The following PRDM2 variants were observed in gnomAD, a reference collection of about 807,000 sequenced individuals.
PRDM2 encodes the protein PR/SET domain 2, also known as PR domain zinc finger protein 2.
PRDM2 carries 30 observed loss-of-function variants against 130.0 expected under a neutral mutation model. That is an observed-to-expected ratio of 0.23 (90% CI 0.17 to 0.31). The LOEUF (loss-of-function observed/expected upper bound fraction) is 0.31, where lower values mean the gene tolerates loss of function less well. PRDM2 is among the 10% of genes least tolerant of loss of function. PRDM2 has a pLI of 1.00. For synonymous variants in PRDM2, 871 were observed against 782.4 expected, an observed-to-expected ratio of 1.11 and a Z score of -1.89; for missense variants, 2,011 against 2,108.4, an observed-to-expected ratio of 0.95 and a Z score of 0.90.
intron 8 of PRDM2, among the ~76,000 whole-genome samples, chr1:13,797,572 T>C (rs1387725246): frequency 6.6e-6 from 1 of 152,222 alleles, no homozygotes; most frequent in Middle Eastern, 3.2e-3. Flanking sequence ...CCGAGTTGTG[T>C]GTGGCACATG....
At chr1:13,774,187 C>T (rs1005159885) in intron 7 of PRDM2, among the ~76,000 whole-genome samples, 5 of 152,168 alleles carry the variant, frequency 3.3e-5, no homozygotes, top group African/African-American at 1.2e-4. Flanking sequence ...AGAAAGACAG[C>T]TTGCCCTCTG....
chr1:13,759,090 GGA>G (rs1156923102), intron 6 of PRDM2, among the ~76,000 whole-genome samples: 2 of 151,750 alleles, frequency 1.3e-5, no homozygotes, highest in African/African-American at 4.8e-5. Flanking sequence ...TACCAGTTAT[GGA>G]GAGTAGCAAA....
chr1:13,726,864 A>G (rs1642933156), intron 2 of PRDM2, among the ~76,000 whole-genome samples: 1 of 152,186 alleles, frequency 6.6e-6, no homozygotes, highest in South Asian at 2.1e-4. Flanking sequence ...CCCATGAGAC[A>G]GGAACATACT....
intron 2 of PRDM2, among the ~76,000 whole-genome samples, chr1:13,728,265 A>G (rs764925307): frequency 4.6e-5 from 7 of 152,234 alleles, no homozygotes; most frequent in Non-Finnish European, 8.8e-5. Context: ...GATAGACACC[A>G]TCTGTCTTCA....
intron 6 of PRDM2, chr1:13,770,364 T>C: frequency 2.1e-6 from 1 of 484,610 alleles, no homozygotes; most frequent in Non-Finnish European, 4.1e-6. Context: ...TGAGTGCATC[T>C]TAATGGTATT....
Position 13,778,759 on chromosome 1 carries a change from G to A in PRDM2, c.964G>A (p.Glu322Lys), listed in dbSNP as rs758708048. 1.9e-6 allele frequency: 3 copies of A among 1,614,050 alleles called. No individual in the cohort carries two copies. The highest frequency in any genetic ancestry group is 1.7e-6 in the Non-Finnish European group (2 of 1,180,026). ...TGAGAAGCCAGAAGATTTATTAGAG[G>A]AACCAAAAACAACTTCAGAAGAAAC... ...CDEKPEDLLE[E>K]PKTTSEETLE... is the part of the protein sequence containing the mutation. Residue 322 changes from glutamate (E) to lysine (K), a missense_variant, in exon 8 of 10, where the codon GAA (glutamate) becomes AAA (lysine). Around this residue, in one of 5 missense-constraint regions of PRDM2, gnomAD observed 1,288 missense variants for 1,237.7 expected, o/e 1.04. Transcript: ENST00000311066.
intron 6 of PRDM2, 62 bp downstream of exon 6, chr1:13,749,549 G>GCCGCCCTC: frequency 9.2e-7 from 1 of 1,088,316 alleles, no homozygotes; most frequent in Non-Finnish European, 1.1e-6. Flanking sequence ...ACGCCGCCCT[G>GCCGCCCTC]CCGCCCTCGC....
chr1:13,724,497 CTT>C (rs749027235), intron 2 of PRDM2, among the ~76,000 whole-genome samples: 344 of 129,722 alleles, frequency 2.7e-3, no homozygotes, highest in Non-Finnish European at 4.3e-3. Context: ...CTTTTCATGG[CTT>C]TTTTTTTTTT....
chr1:13,770,517 C>G (rs894600103), intron 6 of PRDM2, among the ~76,000 whole-genome samples: 1 of 151,676 alleles, frequency 6.6e-6, no homozygotes, highest in Non-Finnish European at 1.5e-5. Flanking sequence ...GTAGAAAAAT[C>G]TTTGCATTTT....
At chr1:13,721,237 A>T (rs781232646) in intron 2 of PRDM2, among the ~76,000 whole-genome samples, 12 of 152,196 alleles carry the variant, frequency 7.9e-5, no homozygotes, top group Non-Finnish European at 1.8e-4. Context: ...CCATCTGACC[A>T]TGTAGATATG....
intron 8 of PRDM2, among the ~76,000 whole-genome samples, chr1:13,813,260 C>T (rs1210033442): frequency 6.6e-6 from 1 of 152,204 alleles, no homozygotes; most frequent in African/African-American, 2.4e-5. Flanking sequence ...TGGGTGGGAA[C>T]CAAGAATCAT....
At chr1:13,754,233 T>C (rs1224237204) in intron 6 of PRDM2, among the ~76,000 whole-genome samples, 1 of 152,098 alleles carries the variant, frequency 6.6e-6, no homozygotes, top group East Asian at 1.9e-4. Flanking sequence ...GGACATATAT[T>C]GGCCCTTTTT....
At chr1:13,760,730 TTAAG>T (rs1159969084) in intron 6 of PRDM2, among the ~76,000 whole-genome samples, 1 of 152,178 alleles carries the variant, frequency 6.6e-6, no homozygotes, top group Non-Finnish European at 1.5e-5. Context: ...GCTGTGAGCA[TTAAG>T]TGAGAACATT....
Position 13,781,073 on chromosome 1 carries a change from C to T in PRDM2, c.3278C>T (p.Ala1093Val), listed in dbSNP as rs41269809. The change falls in exon 8 of 10, where the codon GCT (alanine) becomes GTT (valine). Residue 1093 changes from alanine (A) to valine (V), a missense_variant. Physicochemically the swap from Ala to Val is moderately conservative, Grantham distance 64. Transcript: ENST00000311066. This position sits in a 1 kb window ranked among gnomAD's most constrained non-coding sequence, Gnocchi z 6.1. Reference protein sequence around the residue: ...SVVSSGDNLEASLPMISFKQE... With the variant: ...SVVSSGDNLEVSLPMISFKQE... ...GTTTCCTCTGGTGATAATCTGGAGG[C>T]TTCTCTCCCCATGATATCTTTCAAA... is the stretch of plus-strand genomic sequence containing the variant. 2,046 of 1,613,388 alleles carry T rather than the reference C, an allele frequency of 1.3e-3. 5 individuals are homozygous for T. The highest frequency in any genetic ancestry group is 1.5e-3 in the Non-Finnish European group (1,803 of 1,179,360).
At chr1:13,711,275 A>G (rs776573742) in intron 1 of PRDM2, among the ~76,000 whole-genome samples, 5 of 152,222 alleles carry the variant, frequency 3.3e-5, no homozygotes, top group African/African-American at 9.6e-5. Flanking sequence ...TCAACACTGA[A>G]TATGAAGGTT....
chr1:13,785,901 C>T (rs2697982), intron 8 of PRDM2, among the ~76,000 whole-genome samples: 9 of 148,680 alleles, frequency 6.1e-5, no homozygotes, highest in South Asian at 4.4e-4. Flanking sequence ...TGCAGTGGCA[C>T]GATCTTGGCT....
rs79518368 is a variant in PRDM2, at chr1:13,746,871, T to G, written c.385-2490T>G. 4.6e-3 allele frequency among the ~76,000 whole-genome samples: 698 copies of G among 152,372 alleles called. 8 individuals carry two copies. Among genetic ancestry groups the G allele is most frequent in the African/African-American group, 0.016 (665 of 41,586 alleles). ...TATGCCCGCTAATAATTTTGAAGGC[T>G]GTTTAGCAGCTAACGAATGTGTTCC... On this transcript the variant is annotated intron_variant, in intron 5 of 9. Coordinates refer to ENST00000311066, the MANE Select transcript of PRDM2 (RefSeq NM_001393986.1).
intron 2 of PRDM2, among the ~76,000 whole-genome samples, chr1:13,724,096 T>A (rs182174778): frequency 6.6e-6 from 1 of 152,164 alleles, no homozygotes; most frequent in Admixed American, 6.5e-5. Context: ...GTTCTCTGGG[T>A]AGAGCCCAGG....
At chr1:13,786,597 T>C (rs1490604557) in intron 8 of PRDM2, 3 of 1,597,500 alleles carry the variant, frequency 1.9e-6, no homozygotes, top group African/African-American at 2.7e-5. Flanking sequence ...GGATAAGCAC[T>C]ACGGCAAAGG....
Sources: gnomAD v4.1 joint callset for allele counts (sites outside exome capture counted in the v4.1 genomes callset) on GRCh38, gnomAD v4.1.1 for gene constraint, gnomAD v4.1.1 regional missense constraint, Gnocchi (gnomAD v3.1) non-coding constraint, MANE v1.5 for transcripts, NCBI Gene and HGNC (gene_info 2026-07-23, HGNC 2026-07-21) for gene names.